Variants in ABCC3 observed in about 807,000 individuals in gnomAD.
ABCC3 encodes the protein ATP-binding cassette sub-family C member 3.
Under a neutral mutation model 165.3 loss-of-function variants are expected in ABCC3, and 121 were observed. The observed-to-expected ratio is 0.73, with a 90% CI of 0.63 to 0.85. ABCC3 has a LOEUF of 0.85. Ranked by LOEUF, ABCC3 falls within the 40% of genes least tolerant of loss-of-function variation. The pLI is 0.00. For synonymous variants in ABCC3, 733 were observed against 810.1 expected, an observed-to-expected ratio of 0.90 and a Z score of 1.62; for missense variants, 1,869 against 1,964.1, an observed-to-expected ratio of 0.95 and a Z score of 0.92.
chr17:50,658,273 C>A (rs1967301553), intron 5 of ABCC3, 66 bp downstream of exon 5: 3 of 1,609,688 alleles, frequency 1.9e-6, no homozygotes, highest in Non-Finnish European at 2.6e-6. Flanking sequence ...TGACCAGCAG[C>A]CCCCAACCCC....
chr17:50,645,764 T>G (rs184389514), intron 1 of ABCC3, among the ~76,000 whole-genome samples: 2 of 152,324 alleles, frequency 1.3e-5, no homozygotes, highest in East Asian at 3.9e-4. Flanking sequence ...CAGACCAGGC[T>G]AATGTTTTAC....
rs571261479 is a variant in ABCC3, at chr17:50,673,964, C to G, written c.2599+306C>G. 9.9e-4 allele frequency among the ~76,000 whole-genome samples: 23 copies of G among 23,222 alleles called. 1 individual carries two copies. In the South Asian group the frequency reaches 0.033, roughly 34 times the overall value. The allele number at this position is 23,222 out of a possible 152,430, so 15.2% of individuals were successfully genotyped here. ...TCTTTCTTTCTTTCTTTCTTTCTTTCTTTCTTTCTTTCTTTCTCTCTCTCT... is the reference window on the plus strand; with the variant it reads ...TCTTTCTTTCTTTCTTTCTTTCTTTGTTTCTTTCTTTCTTTCTCTCTCTCT... On this transcript the variant is annotated intron_variant, in intron 19 of 30. Transcript: ENST00000285238.
chr17:50,686,902 T>A lies in ABCC3; in HGVS notation c.4281-634T>A, dbSNP rs138220374. ...TATTTGTCCTTGGATGTGGGGATGC[T>A]GTGGCCTCTGGTTGGGAACACAGCC... On this transcript the variant is annotated intron_variant, in intron 29 of 30. Coordinates refer to ENST00000285238, the MANE Select transcript of ABCC3 (RefSeq NM_003786.4). Among the ~76,000 whole-genome samples, 1,290 of 152,316 alleles carry A rather than the reference T, an allele frequency of 8.5e-3. 14 individuals carry two copies. Among genetic ancestry groups the A allele is most frequent in the Non-Finnish European group, 0.013 (866 of 68,030 alleles).
rs778763729 is a variant in ABCC3 at position 50,673,020 on chromosome 17, C to T, written c.2291C>T (p.Ala764Val). The T allele has an allele frequency of 6.2e-7, 1 of 1,614,136 alleles. No homozygotes were observed. The highest frequency in any genetic ancestry group is 1.1e-5 in the South Asian group (1 of 91,072). Residue 764 changes from alanine (A) to valine (V), a missense_variant, in exon 18 of 31, where the codon GCT (alanine) becomes GTT (valine). Coordinates refer to ENST00000285238, the MANE Select transcript of ABCC3 (RefSeq NM_003786.4). ...GQRQRVSLARAVYSDADIFLL... is the reference protein window; with the variant it reads ...GQRQRVSLARVVYSDADIFLL... ...CGGCAGCGGGTCAGTCTGGCTCGAG[C>T]TGTTTACAGTGATGCCGATATTTTC...
chr17:50,644,612 T>C (rs1035532824), intron 1 of ABCC3, among the ~76,000 whole-genome samples: 1 of 152,090 alleles, frequency 6.6e-6, no homozygotes, highest in African/African-American at 2.4e-5. Context: ...CTTGGGAGGC[T>C]GAGACAGGAG....
intron 8 of ABCC3, 104 bp from the exon 9 acceptor site, chr17:50,663,577 G>A: frequency 1.4e-6 from 2 of 1,384,986 alleles, no homozygotes; most frequent in African/African-American, 2.8e-5. Context: ...AGGTTTCAGA[G>A]GCCAGGGGTG....
In ABCC3 at chr17:50,676,595, GGTGGGCGTGATTCCAGT is replaced by G. The variant is rs758330114; in HGVS notation, c.3378+17_3378+33del. 1 of 1,596,370 alleles carries G rather than the reference GGTGGGCGTGATTCCAGT, an allele frequency of 6.3e-7. No individual in the cohort carries two copies. On this transcript the variant is annotated splice_region_variant and intron_variant, in intron 23 of 30. Transcript: ENST00000285238. ...GCTCTACACCTTAGTGCAGGTGTGG[GGTGGGCGTGATTCCAGT>G]GTGGGCGTGGTGTTATTGGGGCGGG...
rs1396264236 is a variant in ABCC3 at position 50,673,900 on chromosome 17, T to TTTTCTTTCTTTC, written c.2599+312_2599+323dup. On this transcript the variant is annotated intron_variant, in intron 19 of 30. Transcript: ENST00000285238. ...TCCTCCGCCCCGGTCTCAGAGCCTGTTTTCTTTCTTTCTTTCTTTCTTTCT... is the reference window on the plus strand; with the variant it reads ...TCCTCCGCCCCGGTCTCAGAGCCTGTTTTCTTTCTTTCTTTCTTTCTTTCTTTCTTTCTTTCT... 7.8e-4 allele frequency among the ~76,000 whole-genome samples: 102 copies of TTTTCTTTCTTTC among 131,612 alleles called. 7 individuals carry two copies. Among genetic ancestry groups the TTTTCTTTCTTTC allele is most frequent in the African/African-American group, 1.2e-3 (43 of 35,646 alleles). The allele number at this position is 131,612 out of a possible 152,430, so 86.3% of individuals were successfully genotyped here.
intron 2 of ABCC3, among the ~76,000 whole-genome samples, chr17:50,656,229 G>A (rs1039126212): frequency 6.6e-5 from 10 of 152,174 alleles, no homozygotes; most frequent in African/African-American, 2.2e-4. Flanking sequence ...GGGATTACAG[G>A]CATGCGCCAC....
At chr17:50,690,594 G>A (rs771609223) in intron 30 of ABCC3, among the ~76,000 whole-genome samples, 3 of 152,168 alleles carry the variant, frequency 2.0e-5, no homozygotes, top group African/African-American at 7.2e-5. Context: ...AGCTGTTTGT[G>A]TGTGAGCTGG....
At position 50,655,969 on chromosome 17, in the gene ABCC3, T is replaced by C; in HGVS notation, c.183T>C (p.Arg61=). ...CYLLYLRHHC[R]GYIILSHLSK... is the part of the protein sequence containing the mutation. ...TGCTCTACCTGCGGCACCATTGTCG[T>C]GGCTACATCATCCTCTCCCACCTGT... Residue 61 remains arginine (R), a synonymous_variant, in exon 2 of 31, where the codon CGT becomes CGC. Transcript: ENST00000285238. 6.2e-7 allele frequency: 1 copy of C among 1,614,146 alleles called. No homozygotes were observed. Among genetic ancestry groups the C allele is most frequent in the South Asian group, 1.1e-5 (1 of 91,072 alleles).
chr17:50,668,199 C>T (rs1296928712), intron 13 of ABCC3, among the ~76,000 whole-genome samples, 190 bp downstream of exon 13: 1 of 152,150 alleles, frequency 6.6e-6, no homozygotes, highest in Non-Finnish European at 1.5e-5. Flanking sequence ...CACAGGTGGT[C>T]AGGTCGGGTG....
chr17:50,668,154 G>A, intron 13 of ABCC3, 145 bp downstream of exon 13: 1 of 791,286 alleles, frequency 1.3e-6, no homozygotes, highest in South Asian at 1.8e-5. Context: ...ATTCAAGGTT[G>A]AATGAGGTCA....
At chr17:50,641,584 T>C (rs75454851) in intron 1 of ABCC3, among the ~76,000 whole-genome samples, 102 of 152,350 alleles carry the variant, frequency 6.7e-4, no homozygotes, top group African/African-American at 2.4e-3. Context: ...ACCCTCCATT[T>C]ATCTATTCAT....
chr17:50,667,930 C>T lies in ABCC3; in HGVS notation c.1703C>T (p.Ala568Val). Residue 568 changes from alanine to valine, a missense_variant, in exon 13 of 31, where the codon GCC (alanine) becomes GTC (valine). Transcript: ENST00000285238. ...AACAATGTGCTGGACGCCGAGAAGG[C>T]CTTTGTGTCTGTGTCCTTGTTTAAT... ...DPNNVLDAEK[A>V]FVSVSLFNIL... 1.9e-6 allele frequency: 3 copies of T among 1,614,204 alleles called. No individual in the cohort carries two copies. The highest frequency in any genetic ancestry group is 2.5e-6 in the Non-Finnish European group (3 of 1,180,032).
rs1221717579 is a variant in ABCC3, at chr17:50,658,500, A to T, written c.674+4A>T. The T allele has an allele frequency of 6.2e-7, 1 of 1,613,402 alleles. No individual in the cohort carries two copies. Among genetic ancestry groups the T allele is most frequent in the Non-Finnish European group, 8.5e-7 (1 of 1,179,340 alleles). On this transcript the variant is annotated splice_donor_region_variant and intron_variant, in intron 6 of 30. Coordinates refer to ENST00000285238, the MANE Select transcript of ABCC3 (RefSeq NM_003786.4). ...TGTTTTTCTGGTGGTTCACAAAGTG[A>T]GTTGGCTCTTCCACCAGCCAGGCCA... is the stretch of plus-strand genomic sequence containing the variant.
chr17:50,664,257 A>G, intron 10 of ABCC3, 146 bp downstream of exon 10: 2 of 1,150,948 alleles, frequency 1.7e-6, no homozygotes, highest in Admixed American at 2.3e-5. Flanking sequence ...CTTGAGCCCA[A>G]GAGTTCTGGC....
At chr17:50,643,790 A>C (rs1966934568) in intron 1 of ABCC3, 1 of 365,786 alleles carries the variant, frequency 2.7e-6, no homozygotes, top group African/African-American at 2.1e-5. Context: ...TTTAGGATGA[A>C]GTGAGTTGGC....
Position 50,683,972 on chromosome 17 carries a change from G to A in ABCC3, c.3978G>A (p.Gly1326=), listed in dbSNP as rs1967974351. 4.3e-6 allele frequency: 7 copies of A among 1,613,324 alleles called. No homozygotes were observed. Among genetic ancestry groups the A allele is most frequent in the Non-Finnish European group, 5.9e-6 (7 of 1,179,676 alleles). ...AGGTGGGGATCGTGGGCCGCACTGG[G>A]GCTGGCAAGTCTTCCATGACCCTTT... ...GEKVGIVGRT[G]AGKSSMTLCL... Residue 1326 remains glycine (G), a synonymous_variant, in exon 28 of 31, where the codon GGG becomes GGA. Coordinates refer to ENST00000285238, the MANE Select transcript of ABCC3 (RefSeq NM_003786.4).
Sources: gnomAD v4.1 joint callset for allele counts (sites outside exome capture counted in the v4.1 genomes callset) on GRCh38, gnomAD v4.1.1 for gene constraint, MANE v1.5 for transcripts, NCBI Gene and HGNC (gene_info 2026-07-23, HGNC 2026-07-21) for gene names.